The following SPTA1 variants were observed in gnomAD, a reference collection of about 807,000 sequenced individuals.
SPTA1 encodes spectrin alpha chain, erythrocytic 1.
Under a neutral mutation model 324.7 loss-of-function variants are expected in SPTA1, and 177 were observed. That is an observed-to-expected ratio of 0.55 (90% CI 0.48 to 0.62). SPTA1 has a LOEUF of 0.62. SPTA1 is among the 20% of genes least tolerant of loss of function. The pLI, the probability that SPTA1 is intolerant of heterozygous loss-of-function variation, is 0.00. For missense variants in SPTA1, 3,162 were observed against 2,883.6 expected, an observed-to-expected ratio of 1.10 and a Z score of -2.21; for synonymous variants, 1,195 against 1,041.3, an observed-to-expected ratio of 1.15 and a Z score of -2.84.
At chr1:158,623,860 C>T (rs755952678) in intron 42 of SPTA1, among the ~76,000 whole-genome samples, 150 of 152,150 alleles carry the variant, frequency 9.9e-4, no homozygotes, top group Non-Finnish European at 1.5e-3. Context: ...ACTTTGGAAC[C>T]GGGTAACAGG....
intron 20 of SPTA1, among the ~76,000 whole-genome samples, chr1:158,656,296 A>C (rs1652819981): frequency 6.6e-6 from 1 of 152,216 alleles, no homozygotes; most frequent in South Asian, 2.1e-4. Context: ...AGAAAGAAAG[A>C]AGGGTAGAAA....
intron 25 of SPTA1, 138 bp downstream of exon 25, chr1:158,649,718 A>T (rs1571449140): frequency 1.3e-6 from 1 of 744,534 alleles, no homozygotes; most frequent in East Asian, 2.7e-5. Context: ...CATACTACTA[A>T]AAAACCTAAT....
In SPTA1 at chr1:158,653,336, G is replaced by C; in HGVS notation, c.3126C>G (p.Leu1042=). 6.2e-7 allele frequency: 1 copy of C among 1,614,106 alleles called. No homozygotes were observed. Among genetic ancestry groups the C allele is most frequent in the Non-Finnish European group, 8.5e-7 (1 of 1,180,016 alleles). The part of the protein sequence containing the change: ...RRLAHDEFPM[L]PQRRREEPGN... ...CTGGCTCTTCTCGTCGCCGCTGTGG[G>C]AGCATCGGGAACTCATCGTGGGCCA... The change falls in exon 22 of 52, where the codon CTC becomes CTG. Residue 1042 remains leucine, a synonymous_variant. Coordinates refer to ENST00000643759, the MANE Select transcript of SPTA1 (RefSeq NM_003126.4).
intron 4 of SPTA1, among the ~76,000 whole-genome samples, chr1:158,681,080 A>T (rs1654774355): frequency 6.6e-6 from 1 of 152,148 alleles, no homozygotes; most frequent in Admixed American, 6.6e-5. Flanking sequence ...GCATTTGCTT[A>T]TCTAAATCTT....
chr1:158,651,193 T>C (rs1447170549), intron 24 of SPTA1, among the ~76,000 whole-genome samples, 174 bp downstream of exon 24: 1 of 152,204 alleles, frequency 6.6e-6, no homozygotes, highest in Admixed American at 6.5e-5. Flanking sequence ...ACAACAAAAA[T>C]ACAGGGACTA....
chr1:158,663,555 T>G (rs1448387267), intron 16 of SPTA1, among the ~76,000 whole-genome samples: 2 of 152,186 alleles, frequency 1.3e-5, no homozygotes, highest in Admixed American at 6.5e-5. Flanking sequence ...GAAATCAAAT[T>G]TTAGTTGTAT....
At position 158,617,625 on chromosome 1, in the gene SPTA1, T is replaced by C. The variant is rs746276173; in HGVS notation, c.6549-37A>G. ...CCGAAGGAAATCATTATGCATCACATCACAGGTCAATATTTCATACATGCA... is the reference window on the plus strand; with the variant it reads ...CCGAAGGAAATCATTATGCATCACACCACAGGTCAATATTTCATACATGCA... On this transcript the variant is annotated intron_variant, in intron 46 of 51. Transcript: ENST00000643759. The C allele has an allele frequency of 4.5e-6, 7 of 1,558,714 alleles. No homozygotes were observed. In the South Asian group the frequency reaches 6.7e-5, roughly 15 times the overall value.
chr1:158,660,353 A>G (rs554017622), intron 18 of SPTA1, among the ~76,000 whole-genome samples: 1 of 152,198 alleles, frequency 6.6e-6, no homozygotes, highest in Non-Finnish European at 1.5e-5. Context: ...GCAAAAACTA[A>G]TCAAAAGATA....
rs1345384278 is a variant in SPTA1 at position 158,659,595 on chromosome 1, A to ATTATTTTTTTTTTTT, written c.2587+1691_2587+1692insAAAAAAAAAAAATAA. 3.2e-4 allele frequency among the ~76,000 whole-genome samples: 22 copies of ATTATTTTTTTTTTTT among 68,778 alleles called. 2 individuals are homozygous for ATTATTTTTTTTTTTT. The highest frequency in any genetic ancestry group is 1.8e-3 in the South Asian group (2 of 1,094). The allele number at this position is 68,778 out of a possible 152,430, so 45.1% of individuals were successfully genotyped here. ...AAAAGAAAATAATAGTCTTAGCATT[A>ATTATTTTTTTTTTTT]TTTTTTTTTTTTTTTTTTTTTTTTT... is the stretch of plus-strand genomic sequence containing the variant. On this transcript the variant is annotated intron_variant, in intron 18 of 51. Transcript: ENST00000643759.
At chr1:158,612,782 T>A (rs2101744689) in intron 51 of SPTA1, 35 bp downstream of exon 51, 1 of 1,612,996 alleles carries the variant, frequency 6.2e-7, no homozygotes, top group Non-Finnish European at 8.5e-7. Context: ...CAAATTAGGA[T>A]GACAGTGTAG....
chr1:158,613,599 T>G, intron 50 of SPTA1, 122 bp downstream of exon 50: 1 of 1,396,110 alleles, frequency 7.2e-7, no homozygotes. Flanking sequence ...TCATTTATGG[T>G]TGCCTATTTC....
Position 158,653,353 on chromosome 1 carries a change from C to A in SPTA1, c.3109G>T (p.Asp1037Tyr). The change falls in exon 22 of 52, where the codon GAT becomes TAT. Residue 1037 changes from aspartate to tyrosine, a missense_variant. Physicochemically the swap from Asp to Tyr is radical, Grantham distance 160 (BLOSUM62 -3). Transcript: ENST00000643759. ...CGCTGTGGGAGCATCGGGAACTCAT[C>A]GTGGGCCAGTCTTCTGACATAGACA... ...PAVYVRRLAH[D>Y]EFPMLPQRRR... The A allele has an allele frequency of 1.2e-6, 2 of 1,614,124 alleles. No individual in the cohort carries two copies. The highest frequency in any genetic ancestry group is 2.2e-5 in the South Asian group (2 of 91,074).
At chr1:158,678,240 C>G (rs762376724) in intron 6 of SPTA1, among the ~76,000 whole-genome samples, 161 bp downstream of exon 6, 1 of 152,182 alleles carries the variant, frequency 6.6e-6, no homozygotes, top group African/African-American at 2.4e-5. Context: ...TCACAGATTT[C>G]TTTACCTTCT....
At chr1:158,665,378 T>G (rs978997924) in intron 16 of SPTA1, among the ~76,000 whole-genome samples, 3 of 152,026 alleles carry the variant, frequency 2.0e-5, no homozygotes, top group Non-Finnish European at 2.9e-5. Context: ...GATTATTCTG[T>G]TTTTTTCCAT....
chr1:158,651,124 G>A (rs1405713913), intron 24 of SPTA1, among the ~76,000 whole-genome samples: 1 of 152,152 alleles, frequency 6.6e-6, no homozygotes, highest in African/African-American at 2.4e-5. Context: ...ATATGTGAGG[G>A]CATGGAGGAC....
chr1:158,657,225 C>T lies in SPTA1; in HGVS notation c.2805+252G>A, dbSNP rs16840449. Among the ~76,000 whole-genome samples the T allele has an allele frequency of 8.6e-3, 1,303 of 152,266 alleles. 14 individuals carry two copies. The highest frequency in any genetic ancestry group is 0.029 in the African/African-American group (1,192 of 41,546). ...ATCGGATTATGACTATGACTCTGAT[C>T]ACACTTTTTTGATTTAGATAATCTC... On this transcript the variant is annotated intron_variant, in intron 19 of 51. Transcript: ENST00000643759.
At chr1:158,653,461 T>C (rs1043079276) in intron 21 of SPTA1, 36 bp from the exon 22 acceptor site, 16 of 1,613,000 alleles carry the variant, frequency 9.9e-6, no homozygotes, top group African/African-American at 2.7e-5. Context: ...CGTCATTAAT[T>C]CTTGGAAAAG....
intron 35 of SPTA1, 30 bp downstream of exon 35, chr1:158,639,552 C>G (rs752397655): frequency 1.9e-6 from 3 of 1,605,396 alleles, no homozygotes; most frequent in Non-Finnish European, 2.6e-6. Context: ...TCTATTCTGC[C>G]CAGAGGAGAG....
intron 44 of SPTA1, 22 bp from the exon 45 acceptor site, chr1:158,619,356 A>T (rs1302405641): frequency 6.2e-7 from 1 of 1,611,634 alleles, no homozygotes; most frequent in Non-Finnish European, 8.5e-7. Flanking sequence ...AATCACAGAC[A>T]ACGTGACTGA....
Sources: gnomAD v4.1 joint callset for allele counts (sites outside exome capture counted in the v4.1 genomes callset) on GRCh38, gnomAD v4.1.1 for gene constraint, MANE v1.5 for transcripts, NCBI Gene and HGNC (gene_info 2026-07-23, HGNC 2026-07-21) for gene names.